Variants in HIVEP3 observed in about 807,000 individuals in gnomAD.
HIVEP3 encodes the protein HIVEP zinc finger 3.
Under a neutral mutation model 152.8 loss-of-function variants are expected in HIVEP3, and 49 were observed. That is an observed-to-expected ratio of 0.32 (90% CI 0.26 to 0.41). HIVEP3 has a LOEUF of 0.41. Ranked by LOEUF, HIVEP3 falls within the 10% of genes least tolerant of loss-of-function variation. The probability of loss-of-function intolerance (pLI) is 1.00; values close to 1 mark genes in which losing one functional copy is unlikely to be tolerated. For synonymous variants in HIVEP3, 1,269 were observed against 1,289.0 expected, an observed-to-expected ratio of 0.98 and a Z score of 0.33; for missense variants, 2,790 against 3,103.3, an observed-to-expected ratio of 0.90 and a Z score of 2.40.
At chr1:42,007,418 G>A (rs1041779092) in intron 1 of HIVEP3, among the ~76,000 whole-genome samples, 8 of 152,188 alleles carry the variant, frequency 5.3e-5, no homozygotes, top group Non-Finnish European at 8.8e-5. Flanking sequence ...ACAATTGAAT[G>A]GGGGAACACC....
intron 1 of HIVEP3, among the ~76,000 whole-genome samples, chr1:41,800,942 C>T (rs1352896655): frequency 1.3e-5 from 2 of 152,204 alleles, no homozygotes; most frequent in African/African-American, 2.4e-5. Flanking sequence ...CCCTCCCTTT[C>T]GTCTACATTA....
In HIVEP3 at chr1:41,986,602, G is replaced by A. The variant is rs184979234; in HGVS notation, n.119+49205C>T. On this transcript the variant is annotated intron_variant and non_coding_transcript_variant, in intron 1 of 3. Transcript: ENST00000489103. Reference sequence around the variant, plus strand: ...AATACAGGCGCCCGCCACCACGCCCGGCTAATTTTTTGTATTTTTAGTAGA... The same window carrying A: ...AATACAGGCGCCCGCCACCACGCCCAGCTAATTTTTTGTATTTTTAGTAGA... 7.6e-3 allele frequency among the ~76,000 whole-genome samples: 1,158 copies of A among 151,984 alleles called. 10 individuals carry two copies. Among genetic ancestry groups the A allele is most frequent in the African/African-American group, 0.027 (1,113 of 41,424 alleles).
At chr1:41,646,956 A>G (rs78410207) in intron 2 of HIVEP3, among the ~76,000 whole-genome samples, 13,633 of 151,960 alleles carry the variant, frequency 0.09, 876 homozygotes, top group African/African-American at 0.18. Flanking sequence ...TAGAAGCTGT[A>G]CTCCTTCTTT....
At chr1:41,524,152 C>A (rs148353152) in intron 6 of HIVEP3, among the ~76,000 whole-genome samples, 7 of 152,180 alleles carry the variant, frequency 4.6e-5, no homozygotes, top group African/African-American at 7.2e-5. Flanking sequence ...GTGGCTGGGG[C>A]AGGGGTGACA....
At chr1:41,920,872 C>T (rs115744853), upstream of HIVEP3, among the ~76,000 whole-genome samples, 536 of 152,316 alleles carry the variant, frequency 3.5e-3, 1 homozygote, top group African/African-American at 0.012. Flanking sequence ...GTCCCTCCTG[C>T]TGTATCTTCA....
intron 3 of HIVEP3, among the ~76,000 whole-genome samples, chr1:41,622,738 C>G (rs915509591): frequency 1.3e-5 from 2 of 152,184 alleles, no homozygotes; most frequent in African/African-American, 4.8e-5. Flanking sequence ...ACGTTTCTAT[C>G]ACTCTCGGAT....
chr1:41,699,166 C>G (rs1033896770), intron 2 of HIVEP3, among the ~76,000 whole-genome samples: 13 of 152,228 alleles, frequency 8.5e-5, no homozygotes, highest in African/African-American at 2.4e-4. Context: ...GTGCTGAGCA[C>G]GTGGTGCATA....
intron 2 of HIVEP3, among the ~76,000 whole-genome samples, chr1:41,640,087 G>A (rs1645349243): frequency 6.6e-6 from 1 of 152,174 alleles, no homozygotes; most frequent in African/African-American, 2.4e-5. Context: ...ACTCTACACT[G>A]GGATTTGGCA....
At chr1:41,977,584 T>A (rs1645267347) in intron 1 of HIVEP3, among the ~76,000 whole-genome samples, 1 of 152,176 alleles carries the variant, frequency 6.6e-6, no homozygotes, top group Non-Finnish European at 1.5e-5. Context: ...GGAAGAGGAC[T>A]AGGAAGTTCA....
At chr1:41,897,160 C>T (rs1235616185) in intron 1 of HIVEP3, among the ~76,000 whole-genome samples, 1 of 152,044 alleles carries the variant, frequency 6.6e-6, no homozygotes, top group East Asian at 1.9e-4. Flanking sequence ...GCATAGCCAA[C>T]GAGAATGGTG....
rs1392054282 is a variant in HIVEP3 at position 41,635,803 on chromosome 1, G to C, written c.-720-6856C>G. On this transcript the variant is annotated intron_variant, in intron 2 of 8. Coordinates refer to ENST00000372583, the MANE Select transcript of HIVEP3 (RefSeq NM_024503.5). Reference sequence around the variant, plus strand: ...ATGTAAACATATACGTGAACATTTTGAAAAATCAAAGAGAATTTGATACAT... The same window carrying C: ...ATGTAAACATATACGTGAACATTTTCAAAAATCAAAGAGAATTTGATACAT... Among the ~76,000 whole-genome samples the C allele has an allele frequency of 1.3e-5, 2 of 151,590 alleles. 1 individual carries two copies. Among genetic ancestry groups the C allele is most frequent in the South Asian group, 4.2e-4 (2 of 4,798 alleles).
At chr1:41,683,279 G>A (rs1298911965) in intron 2 of HIVEP3, among the ~76,000 whole-genome samples, 1 of 152,234 alleles carries the variant, frequency 6.6e-6, no homozygotes, top group African/African-American at 2.4e-5. Context: ...CAGTCCGTGT[G>A]CCTCATGCAG....
intron 2 of HIVEP3, among the ~76,000 whole-genome samples, chr1:41,693,573 C>G (rs969646872): frequency 6.6e-6 from 1 of 152,214 alleles, no homozygotes; most frequent in African/African-American, 2.4e-5. Flanking sequence ...TTTTACCCAT[C>G]ATGCCTATGT....
chr1:41,582,313 G>C lies in HIVEP3; in HGVS notation c.2485C>G (p.Pro829Ala), dbSNP rs144929442. Residue 829 changes from proline to alanine, a missense_variant, in exon 4 of 9, where the codon CCA becomes GCA. Physicochemically the swap from Pro to Ala is conservative, Grantham distance 27. Around this residue, in one of 9 missense-constraint regions of HIVEP3, gnomAD observed 1,078 missense variants for 1,165.3 expected, o/e 0.93. Coordinates refer to ENST00000372583, the MANE Select transcript of HIVEP3 (RefSeq NM_024503.5). The surrounding 1 kb of genome is among the most constrained non-coding windows in gnomAD (Gnocchi z 4.7). Reference protein sequence around the residue: ...EGEDKPLAQFPSPPPAPHGRS... With the variant: ...EGEDKPLAQFASPPPAPHGRS... ...CCGTGTGGGGCAGGTGGGGGTGATG[G>C]GAACTGGGCCAGAGGTTTGTCTTCC... 3.1e-6 allele frequency: 5 copies of C among 1,614,172 alleles called. No homozygotes were observed. The highest frequency in any genetic ancestry group is 1.6e-4 in the Middle Eastern group (1 of 6,062).
intron 1 of HIVEP3, among the ~76,000 whole-genome samples, chr1:41,710,696 G>A (rs189857707): frequency 4.6e-5 from 7 of 152,272 alleles, no homozygotes; most frequent in East Asian, 3.9e-4. Context: ...TGTCTGTCTC[G>A]TTCCCAAGGC....
chr1:41,544,820 T>TACC (rs1166032740), intron 5 of HIVEP3, among the ~76,000 whole-genome samples: 2 of 24,532 alleles, frequency 8.2e-5, no homozygotes, highest in Non-Finnish European at 8.4e-5. Context: ...CTACCACCTC[T>TACC]ACCACCACCA....
intron 1 of HIVEP3, among the ~76,000 whole-genome samples, chr1:41,966,475 C>CTATTTTTTTTTTTTTTT (rs1645198162): frequency 1.0e-5 from 1 of 95,810 alleles, no homozygotes; most frequent in Non-Finnish European, 1.9e-5. Context: ...GTGCTGTATT[C>CTATTTTTTTTTTTTTTT]TTTTTTTTTT....
chr1:41,920,322 A>G (rs984867665), upstream of HIVEP3, among the ~76,000 whole-genome samples: 6 of 152,078 alleles, frequency 3.9e-5, no homozygotes, highest in Non-Finnish European at 7.4e-5. Flanking sequence ...GCACAGACCT[A>G]CCACAGAGAG....
At chr1:41,966,477 T>A (rs1383852113) in intron 1 of HIVEP3, among the ~76,000 whole-genome samples, 2 of 107,274 alleles carry the variant, frequency 1.9e-5, no homozygotes, top group Non-Finnish European at 3.5e-5. Flanking sequence ...GCTGTATTCT[T>A]TTTTTTTTTT....
Sources: allele counts gnomAD v4.1 joint callset (sites outside exome capture counted in the v4.1 genomes callset), GRCh38; gene constraint gnomAD v4.1.1; regional missense constraint gnomAD v4.1.1; non-coding constraint Gnocchi (gnomAD v3.1); transcripts MANE v1.5; gene names NCBI Gene and HGNC (gene_info 2026-07-23, HGNC 2026-07-21).